The following PTPRF variants were observed in gnomAD, a reference collection of about 807,000 sequenced individuals.
The protein encoded by PTPRF is receptor-type tyrosine-protein phosphatase F.
A neutral mutation model predicts 201.8 loss-of-function variants in PTPRF; 59 were observed. The ratio of observed to expected loss-of-function variants is 0.29; its 90% CI spans 0.24 to 0.36. The LOEUF (loss-of-function observed/expected upper bound fraction) is 0.36. Among genes scored for constraint, PTPRF ranks in the 10% least tolerant of loss-of-function variants. The pLI is 1.00. For missense variants in PTPRF, 2,132 were observed against 2,690.5 expected (o/e 0.79, Z 4.59); for synonymous variants, 1,088 against 1,089.7 (o/e 1.00, Z 0.03).
intron 11 of PTPRF, among the ~76,000 whole-genome samples, chr1:43,596,887 T>C (rs977313654): frequency 2.6e-5 from 4 of 152,108 alleles, no homozygotes; most frequent in African/African-American, 9.7e-5. Flanking sequence ...TCTAAGACAT[T>C]GTGTGTGAGA....
chr1:43,595,706 C>T (rs1652084596), intron 11 of PTPRF, among the ~76,000 whole-genome samples: 1 of 152,088 alleles, frequency 6.6e-6, no homozygotes, highest in South Asian at 2.1e-4. Flanking sequence ...TCTCCATTCT[C>T]ATGGGTGGAA....
intron 31 of PTPRF, 103 bp downstream of exon 31, chr1:43,620,682 G>T: frequency 6.5e-7 from 1 of 1,547,280 alleles, no homozygotes; most frequent in Non-Finnish European, 8.8e-7. Flanking sequence ...ATCTGAGGCG[G>T]TGGGTGGGTA....
intron 7 of PTPRF, among the ~76,000 whole-genome samples, chr1:43,585,464 G>A (rs1399406578): frequency 6.6e-6 from 1 of 152,144 alleles, no homozygotes; most frequent in Non-Finnish European, 1.5e-5. Context: ...GAGAGTGAAG[G>A]TGGTGTGCCC....
At chr1:43,621,848 A>G (rs1287567709) in intron 33 of PTPRF, 87 bp from the exon 34 acceptor site, 3 of 1,364,136 alleles carry the variant, frequency 2.2e-6, no homozygotes, top group South Asian at 1.2e-5. Flanking sequence ...AGCAGAGGCT[A>G]ACTCCATGGC....
At chr1:43,557,451 T>C (rs904605583) in intron 5 of PTPRF, among the ~76,000 whole-genome samples, 2 of 152,136 alleles carry the variant, frequency 1.3e-5, no homozygotes, top group African/African-American at 4.8e-5. Flanking sequence ...CTGGCCAACA[T>C]GGCAAAACCC....
chr1:43,595,523 G>C (rs1652040840), intron 11 of PTPRF, among the ~76,000 whole-genome samples: 1 of 152,156 alleles, frequency 6.6e-6, no homozygotes. Context: ...CCCGGCCTGG[G>C]ATTTTTCTTT....
rs570160359 is a variant in PTPRF, at chr1:43,598,380, T to G, written c.2119+327T>G. 7.3e-5 allele frequency: 33 copies of G among 453,258 alleles called. No individual in the cohort carries two copies. The South Asian group carries it at 8.4e-4, about 11-fold the overall frequency. The allele number at this position is 453,258 out of a possible 1,614,324, so 28.1% of individuals were successfully genotyped here. ...GCAAGACTCCACGTTGGCTGGACATTGGCATGATTGGGGCCTAGGAGGAGT... is the reference window on the plus strand; with the variant it reads ...GCAAGACTCCACGTTGGCTGGACATGGGCATGATTGGGGCCTAGGAGGAGT... On this transcript the variant is annotated intron_variant, in intron 12 of 33. Transcript: ENST00000359947.
intron 21 of PTPRF, among the ~76,000 whole-genome samples, chr1:43,607,544 C>T (rs939575826): frequency 6.6e-6 from 1 of 152,368 alleles, no homozygotes; most frequent in Admixed American, 6.5e-5. Context: ...AGGAGTCTCC[C>T]TTCCTATCCG....
In PTPRF at chr1:43,591,456, G is replaced by A; in HGVS notation, c.1434G>A (p.Leu478=). The A allele has an allele frequency of 1.3e-6, 2 of 1,594,768 alleles. No individual in the cohort carries two copies. Among genetic ancestry groups the A allele is most frequent in the Non-Finnish European group, 1.7e-6 (2 of 1,173,204 alleles). Reference sequence around the variant, plus strand: ...GGCTCCTCACGACCGTGGGCAGCCTGCTGCCTGGCATCACCTACAGCCTGC... The same window carrying A: ...GGCTCCTCACGACCGTGGGCAGCCTACTGCCTGGCATCACCTACAGCCTGC... The part of the protein sequence containing the change: ...DAGLLTTVGS[L]LPGITYSLRV... Residue 478 remains leucine, a synonymous_variant, in exon 9 of 34, where the codon CTG becomes CTA. Transcript: ENST00000359947.
intron 6 of PTPRF, among the ~76,000 whole-genome samples, chr1:43,576,811 C>G (rs1646959707): frequency 6.6e-6 from 1 of 152,210 alleles, no homozygotes; most frequent in Non-Finnish European, 1.5e-5. Context: ...CTCTCCAGTT[C>G]TCTCAGTGTC....
chr1:43,533,293 G>C (rs1271134033), intron 1 of PTPRF, among the ~76,000 whole-genome samples: 1 of 152,184 alleles, frequency 6.6e-6, no homozygotes, highest in African/African-American at 2.4e-5. Context: ...AAGAGAGGAG[G>C]GGGTGGTTGG....
chr1:43,597,342 CTATG>C (rs573888068), intron 11 of PTPRF, among the ~76,000 whole-genome samples: 28 of 151,826 alleles, frequency 1.8e-4, no homozygotes, highest in South Asian at 1.3e-3. Flanking sequence ...ATATGTGACA[CTATG>C]TATGTGTGTG....
chr1:43,569,305 G>A (rs1646410426), intron 5 of PTPRF, among the ~76,000 whole-genome samples: 1 of 150,870 alleles, frequency 6.6e-6, no homozygotes, highest in South Asian at 2.1e-4. Context: ...TTCTTCTCAG[G>A]GCCTGGAGAG....
intron 6 of PTPRF, among the ~76,000 whole-genome samples, chr1:43,578,582 G>C (rs1013794325): frequency 6.6e-6 from 1 of 152,198 alleles, no homozygotes; most frequent in Non-Finnish European, 1.5e-5. Flanking sequence ...TTGCTGGACT[G>C]TGGGGAGCAT....
At chr1:43,611,443 C>T (rs1656424880) in intron 22 of PTPRF, among the ~76,000 whole-genome samples, 1 of 152,108 alleles carries the variant, frequency 6.6e-6, no homozygotes, top group African/African-American at 2.4e-5. Context: ...AGGGTTTCTG[C>T]AGCATGAGAG....
At chr1:43,569,219 GCC>G (rs11313129) in intron 5 of PTPRF, among the ~76,000 whole-genome samples, 248 of 137,912 alleles carry the variant, frequency 1.8e-3, no homozygotes, top group Admixed American at 3.8e-3. Context: ...CTCCCTGCTA[GCC>G]CCCCCCCCCA....
At chr1:43,565,688 C>G (rs894849951) in intron 5 of PTPRF, among the ~76,000 whole-genome samples, 4 of 147,934 alleles carry the variant, frequency 2.7e-5, no homozygotes, top group African/African-American at 1.1e-4. Flanking sequence ...GCAGGGCACC[C>G]GGTTGGGGGT....
At chr1:43,591,679 C>G in intron 9 of PTPRF, 126 bp downstream of exon 9, 1 of 1,444,994 alleles carries the variant, frequency 6.9e-7, no homozygotes, top group Admixed American at 2.1e-5. Context: ...GTGCCGTATT[C>G]CATAGATGTG....
chr1:43,613,084 A>T, intron 22 of PTPRF: 1 of 335,460 alleles, frequency 3.0e-6, no homozygotes, highest in Non-Finnish European at 5.8e-6. Context: ...GCGTGCCTCT[A>T]CCTCTCATCT....
Sources: gnomAD v4.1 joint callset for allele counts (sites outside exome capture counted in the v4.1 genomes callset) on GRCh38, gnomAD v4.1.1 for gene constraint, MANE v1.5 for transcripts, NCBI Gene and HGNC (gene_info 2026-07-23, HGNC 2026-07-21) for gene names.